KLRG1: variants seen among roughly 807,000 people sequenced by gnomAD.
KLRG1 encodes the protein killer cell lectin-like receptor subfamily G member 1.
A neutral mutation model predicts 21.8 loss-of-function variants in KLRG1; 16 were observed. The ratio of observed to expected loss-of-function variants is 0.73; its 90% CI spans 0.50 to 1.11. The LOEUF (loss-of-function observed/expected upper bound fraction) is 1.11. Ranked by LOEUF, KLRG1 falls within the 50% of genes most tolerant of loss-of-function variation. The probability of loss-of-function intolerance (pLI) is 0.00; values close to 1 mark genes in which losing one functional copy is unlikely to be tolerated. For missense variants in KLRG1, 173 were observed against 218.3 expected, an observed-to-expected ratio of 0.79 and a Z score of 1.31; for synonymous variants, 69 against 75.9, an observed-to-expected ratio of 0.91 and a Z score of 0.47.
At chr12:9,131,689 G>A in the KLRG1 span, among the ~76,000 whole-genome samples, 1 of 151,842 alleles carries the variant, frequency 6.6e-6, no homozygotes, top group Non-Finnish European at 1.5e-5. Flanking sequence ...TTCAGTTAAT[G>A]ATGAAAGGGT....
At chr12:9,051,019 C>T in the KLRG1 span, among the ~76,000 whole-genome samples, 6 of 152,176 alleles carry the variant, frequency 3.9e-5, no homozygotes, top group East Asian at 1.2e-3. Flanking sequence ...TCAGGAAGGG[C>T]CTGAAGGCTG....
the KLRG1 span, among the ~76,000 whole-genome samples, chr12:9,186,273 A>G: frequency 1.3e-5 from 2 of 152,246 alleles, no homozygotes; most frequent in Admixed American, 1.3e-4. Context: ...TGAATATAAA[A>G]AGGAAAGAAT....
the KLRG1 span, chr12:9,160,537 A>C: frequency 2.6e-6 from 4 of 1,560,044 alleles, no homozygotes; most frequent in Admixed American, 1.8e-5. Flanking sequence ...CAGTTCATAA[A>C]TAGCCAACAT....
chr12:9,096,875 GATCTCTACTAGCACTTAGTATA>G, the KLRG1 span, among the ~76,000 whole-genome samples: 2 of 152,236 alleles, frequency 1.3e-5, no homozygotes, highest in African/African-American at 4.8e-5. Context: ...CTCACTGCTT[GATCTCTACTAGCACTTAGTATA>G]ATACCTAGAA....
At chr12:9,107,586 T>C in the KLRG1 span, 2 of 1,614,018 alleles carry the variant, frequency 1.2e-6, no homozygotes, top group Non-Finnish European at 1.7e-6. Flanking sequence ...GAAGCGTCAC[T>C]ATACTTTCTG....
chr12:9,015,861 T>G, the KLRG1 span, among the ~76,000 whole-genome samples: 1 of 152,156 alleles, frequency 6.6e-6, no homozygotes, highest in African/African-American at 2.4e-5. Context: ...AGAGGAACTT[T>G]GAAAACTATA....
At chr12:9,153,215 G>T in the KLRG1 span, 1 of 1,614,190 alleles carries the variant, frequency 6.2e-7, no homozygotes, top group Non-Finnish European at 8.5e-7. Flanking sequence ...ATAGGAGGTT[G>T]TTGTTGTCTA....
chr12:9,147,747 A>G, the KLRG1 span, among the ~76,000 whole-genome samples: 1 of 152,080 alleles, frequency 6.6e-6, no homozygotes, highest in Non-Finnish European at 1.5e-5. Context: ...ATATCCACCC[A>G]CCATTCTTCT....
the KLRG1 span, chr12:9,106,335 C>A: frequency 6.2e-7 from 1 of 1,603,252 alleles, no homozygotes; most frequent in South Asian, 1.1e-5. Flanking sequence ...GCCTTCCAGT[C>A]AATTCCACCA....
At chr12:9,002,735 T>G (rs1947341430) in intron 3 of KLRG1, among the ~76,000 whole-genome samples, 1 of 151,922 alleles carries the variant, frequency 6.6e-6, no homozygotes, top group African/African-American at 2.4e-5. Flanking sequence ...CCCAGCTAAT[T>G]TTCATATTTT....
chr12:9,165,912 T>C, the KLRG1 span: 1 of 1,047,690 alleles, frequency 9.5e-7, no homozygotes. Context: ...CAATTGCGCA[T>C]TTTACTTAGG....
At chr12:9,169,015 T>C in the KLRG1 span, 1 of 1,391,058 alleles carries the variant, frequency 7.2e-7, no homozygotes, top group East Asian at 2.3e-5. Context: ...TAAGCTTGAT[T>C]AGAATATATA....
chr12:9,082,968 G>A, the KLRG1 span, among the ~76,000 whole-genome samples: 6 of 152,180 alleles, frequency 3.9e-5, no homozygotes, highest in Non-Finnish European at 2.9e-5. Flanking sequence ...TGTATTTCTA[G>A]TTCTAGATCC....
At chr12:9,019,896 T>A in the KLRG1 span, among the ~76,000 whole-genome samples, 1 of 152,146 alleles carries the variant, frequency 6.6e-6, no homozygotes, top group Non-Finnish European at 1.5e-5. Flanking sequence ...CTTCCTTTTT[T>A]ACTCACTGCA....
At chr12:9,098,785 A>G in the KLRG1 span, 2 of 1,608,042 alleles carry the variant, frequency 1.2e-6, no homozygotes, top group African/African-American at 1.3e-5. Flanking sequence ...AGGTCAGAAA[A>G]GCAAATTTCC....
At chr12:9,074,053 A>G in the KLRG1 span, among the ~76,000 whole-genome samples, 1 of 148,746 alleles carries the variant, frequency 6.7e-6, no homozygotes, top group East Asian at 2.0e-4. Context: ...GCACCACTGC[A>G]TTCCAGCCTA....
At chr12:9,142,734 A>G in the KLRG1 span, among the ~76,000 whole-genome samples, 1 of 152,338 alleles carries the variant, frequency 6.6e-6, no homozygotes, top group East Asian at 1.9e-4. Flanking sequence ...GCCCTTTAAG[A>G]ACAGGGCTAG....
Position 8,972,373 on chromosome 12 carries a change from G to T in KLRG1, c.-155-19833G>T, listed in dbSNP as rs1364756712. On this transcript the variant is annotated intron_variant, in intron 1 of 4. Coordinates refer to the KLRG1 transcript ENST00000539240. Reference sequence around the variant, plus strand: ...GGGGTTGCACCGTGTTAGCCAGGATGGTCTCGATCTCCTAACCTCGTGATC... The same window carrying T: ...GGGGTTGCACCGTGTTAGCCAGGATTGTCTCGATCTCCTAACCTCGTGATC... Among the ~76,000 whole-genome samples, 4 of 152,270 alleles carry T rather than the reference G, an allele frequency of 2.6e-5. No individual in the cohort carries two copies. In the East Asian group the frequency reaches 7.7e-4, roughly 29 times the overall value.
chr12:9,182,160 C>CAAA, the KLRG1 span: 3 of 1,571,824 alleles, frequency 1.9e-6, no homozygotes, highest in Non-Finnish European at 2.6e-6. Flanking sequence ...ATAAGTGAGA[C>CAAA]AAAAAGGTCA....
Sources: allele counts gnomAD v4.1 joint callset (sites outside exome capture counted in the v4.1 genomes callset), GRCh38; gene constraint gnomAD v4.1.1; transcripts MANE v1.5; gene names NCBI Gene and HGNC (gene_info 2026-07-23, HGNC 2026-07-21).